Variants in PSTPIP2 observed in about 807,000 individuals in gnomAD.
The protein encoded by PSTPIP2 is proline-serine-threonine phosphatase interacting protein 2.
Under a neutral mutation model 63.3 loss-of-function variants are expected in PSTPIP2, and 33 were observed. The ratio of observed to expected loss-of-function variants is 0.52; its 90% CI spans 0.40 to 0.70. The LOEUF is 0.70. Among genes scored for constraint, PSTPIP2 ranks in the 30% least tolerant of loss-of-function variants. The pLI is 0.00. For synonymous variants in PSTPIP2, 125 were observed against 132.7 expected (o/e 0.94, Z 0.40); for missense variants, 312 against 400.7 (o/e 0.78, Z 1.89).
At chr18:45,999,695 T>C (rs1351576842) in intron 6 of PSTPIP2, among the ~76,000 whole-genome samples, 161 bp from the exon 7 acceptor site, 3 of 152,228 alleles carry the variant, frequency 2.0e-5, no homozygotes, top group Admixed American at 1.3e-4. Flanking sequence ...CTTTTTCTTA[T>C]CAGTCTTTGA....
chr18:46,029,756 C>T, intron 2 of PSTPIP2: 2 of 586,406 alleles, frequency 3.4e-6, no homozygotes, highest in Non-Finnish European at 6.3e-6. Context: ...AAAAAGAAAA[C>T]TATTTCTCAT....
At position 45,993,639 on chromosome 18, in the gene PSTPIP2, T is replaced by C; in HGVS notation, c.707A>G (p.Asn236Ser). Residue 236 changes from asparagine to serine, a missense_variant, in exon 10 of 15, where the codon AAT becomes AGT. Coordinates refer to ENST00000409746, the MANE Select transcript of PSTPIP2 (RefSeq NM_024430.4). ...GGTGACACATTGTTGTGACAGCTGATTCACATGTAACCACAATGCATTCCG... is the reference window on the plus strand; with the variant it reads ...GGTGACACATTGTTGTGACAGCTGACTCACATGTAACCACAATGCATTCCG... Reference protein sequence around the residue: ...FFRNALWLHVNQLSQQCVTSD... With the variant: ...FFRNALWLHVSQLSQQCVTSD... 6.2e-7 allele frequency: 1 copy of C among 1,614,208 alleles called. No homozygotes were observed. Among genetic ancestry groups the C allele is most frequent in the Non-Finnish European group, 8.5e-7 (1 of 1,180,028 alleles).
rs972106503 is a variant in PSTPIP2 at position 45,984,510 on chromosome 18, G to C, written c.*949C>G. 2.0e-5 allele frequency: 3 copies of C among 152,136 alleles called. No individual in the cohort carries two copies. The highest frequency in any genetic ancestry group is 7.2e-5 in the African/African-American group (3 of 41,432). The allele number at this position is 152,136 out of a possible 1,614,324, so 9.4% of individuals were successfully genotyped here. ...AACTCTAAAATTATCTTGAGGAATG[G>C]AATCAAAATATGGTATTTCATTGAT... On this transcript the variant is annotated 3_prime_UTR_variant, in exon 15 of 15. Transcript: ENST00000409746.
chr18:46,029,240 C>A (rs891106692), intron 2 of PSTPIP2: 4 of 1,198,952 alleles, frequency 3.3e-6, no homozygotes, highest in African/African-American at 2.9e-5. Context: ...TAGTGAGGAG[C>A]TTTGAAGATG....
At chr18:46,003,011 G>C (rs1365831021) in intron 6 of PSTPIP2, among the ~76,000 whole-genome samples, 1 of 152,148 alleles carries the variant, frequency 6.6e-6, no homozygotes, top group Non-Finnish European at 1.5e-5. Flanking sequence ...TTTATTTAAG[G>C]CTTCTGTTTT....
At chr18:45,990,289 G>A (rs1308927050) in intron 13 of PSTPIP2, among the ~76,000 whole-genome samples, 3 of 152,158 alleles carry the variant, frequency 2.0e-5, no homozygotes, top group African/African-American at 7.2e-5. Context: ...TAGTATTATA[G>A]TAAGATTCTA....
At chr18:46,050,130 G>T (rs1908535693) in intron 1 of PSTPIP2, among the ~76,000 whole-genome samples, 1 of 152,124 alleles carries the variant, frequency 6.6e-6, no homozygotes, top group South Asian at 2.1e-4. Flanking sequence ...AATGCACATT[G>T]GCATAATCTT....
rs143151253 is a variant in PSTPIP2, at chr18:46,010,189, G to A, written c.354+992C>T. 3.7e-3 allele frequency among the ~76,000 whole-genome samples: 559 copies of A among 152,340 alleles called. 9 individuals are homozygous for A. The highest frequency in any genetic ancestry group is 0.013 in the African/African-American group (525 of 41,584). On this transcript the variant is annotated intron_variant, in intron 5 of 14. Transcript: ENST00000409746. The stretch of plus-strand genomic sequence containing the variant: ...ACCTAGACTCCAACCCAGAACCACA[G>A]GCAAAGTTGCTGAGACTGAGGTCAA...
intron 8 of PSTPIP2, among the ~76,000 whole-genome samples, chr18:45,998,430 C>T (rs988352995): frequency 6.6e-6 from 1 of 152,146 alleles, no homozygotes; most frequent in Non-Finnish European, 1.5e-5. Flanking sequence ...ATAGATGCCC[C>T]AATACATCAG....
chr18:46,008,144 AAAG>A (rs1363215567), intron 5 of PSTPIP2, among the ~76,000 whole-genome samples: 1 of 152,094 alleles, frequency 6.6e-6, no homozygotes, highest in Non-Finnish European at 1.5e-5. Context: ...CTGATAACAC[AAAG>A]GAATGCAGAA....
chr18:45,991,800 G>T, intron 12 of PSTPIP2, 102 bp downstream of exon 12: 1 of 1,107,040 alleles, frequency 9.0e-7, no homozygotes, highest in Non-Finnish European at 1.3e-6. Context: ...TTAAGCAGAT[G>T]CAGTAGTAGA....
intron 12 of PSTPIP2, among the ~76,000 whole-genome samples, chr18:45,991,521 C>G (rs1312553912): frequency 6.6e-6 from 1 of 152,122 alleles, no homozygotes; most frequent in Non-Finnish European, 1.5e-5. Flanking sequence ...ACAGTATTGT[C>G]TTGACTTTTT....
rs752239050 is a variant in PSTPIP2, at chr18:45,985,430, A to G, written c.*29T>C. On this transcript the variant is annotated 3_prime_UTR_variant, in exon 15 of 15. Transcript: ENST00000409746. ...GCCCTTTCCATATCACAGAAGCACT[A>G]GCCGGAAAAAGCTCTGGTTTCTGAA... 3 of 1,613,474 alleles carry G rather than the reference A, an allele frequency of 1.9e-6. No individual in the cohort carries two copies. In the African/African-American group the frequency reaches 4.0e-5, roughly 22 times the overall value.
At chr18:46,048,571 T>C (rs1010561088) in intron 1 of PSTPIP2, among the ~76,000 whole-genome samples, 38 of 152,144 alleles carry the variant, frequency 2.5e-4, no homozygotes, top group African/African-American at 9.2e-4. Context: ...ACTCCTGCCT[T>C]GTTCCTCCCA....
At chr18:46,050,100 T>C (rs1908534945) in intron 1 of PSTPIP2, among the ~76,000 whole-genome samples, 2 of 152,250 alleles carry the variant, frequency 1.3e-5, no homozygotes, top group South Asian at 4.1e-4. Context: ...AGGGAAATAC[T>C]GTCAAATTCT....
In PSTPIP2 at chr18:46,055,696, C is replaced by T. The variant is rs886552499; in HGVS notation, c.34-15649G>A. 5.9e-5 allele frequency among the ~76,000 whole-genome samples: 9 copies of T among 152,134 alleles called. No homozygotes were observed. In the East Asian group the frequency reaches 7.7e-4, roughly 13 times the overall value. ...TCCAAAATAACTCTAACAGCTTACC[C>T]GCAATGACTAAATGCTCATTTCCTG... is the stretch of plus-strand genomic sequence containing the variant. On this transcript the variant is annotated intron_variant, in intron 1 of 14. Transcript: ENST00000409746.
intron 14 of PSTPIP2, among the ~76,000 whole-genome samples, chr18:45,987,250 T>G (rs952027434): frequency 3.9e-5 from 6 of 152,214 alleles, no homozygotes; most frequent in Non-Finnish European, 8.8e-5. Context: ...AAACAATGTT[T>G]GATGTGCTCA....
chr18:46,054,904 G>A (rs890601784), intron 1 of PSTPIP2, among the ~76,000 whole-genome samples: 3 of 151,880 alleles, frequency 2.0e-5, no homozygotes, highest in Admixed American at 6.6e-5. Flanking sequence ...TTATCCACCC[G>A]CCTCAGCCTC....
chr18:45,986,228 C>A (rs955598856), intron 14 of PSTPIP2, among the ~76,000 whole-genome samples: 6 of 152,204 alleles, frequency 3.9e-5, no homozygotes, highest in Admixed American at 1.3e-4. Flanking sequence ...GTGTTGTATA[C>A]TCCCTTTAGT....
Sources: gnomAD v4.1 joint callset for allele counts (sites outside exome capture counted in the v4.1 genomes callset) on GRCh38, gnomAD v4.1.1 for gene constraint, MANE v1.5 for transcripts, NCBI Gene and HGNC (gene_info 2026-07-23, HGNC 2026-07-21) for gene names.